The following DCLK1 variants were observed in gnomAD, a reference collection of about 807,000 sequenced individuals.
DCLK1 encodes serine/threonine-protein kinase DCLK1.
A neutral mutation model predicts 86.2 loss-of-function variants in DCLK1; 16 were observed. The observed-to-expected ratio is 0.19, with a 90% CI of 0.13 to 0.28. The LOEUF is 0.28. Among genes scored for constraint, DCLK1 ranks in the 10% least tolerant of loss-of-function variants. DCLK1 has a pLI of 1.00. For synonymous variants in DCLK1, 369 were observed against 370.5 expected (o/e 1.00, Z 0.05); for missense variants, 590 against 940.2 (o/e 0.63, Z 4.87).
chr13:35,845,800 A>T, intron 6 of DCLK1: 1 of 426,554 alleles, frequency 2.3e-6, no homozygotes, highest in Non-Finnish European at 3.1e-6. Context: ...GAAGAATGCC[A>T]TACACGTGAT....
chr13:36,092,738 G>A (rs1300306490), intron 3 of DCLK1, among the ~76,000 whole-genome samples: 1 of 151,326 alleles, frequency 6.6e-6, no homozygotes, highest in East Asian at 2.0e-4. Flanking sequence ...CGCCCGCCTC[G>A]GCCTCCCAAA....
chr13:36,105,753 AACC>A (rs1432262335), intron 3 of DCLK1, among the ~76,000 whole-genome samples: 2 of 152,174 alleles, frequency 1.3e-5, no homozygotes, highest in African/African-American at 4.8e-5. Context: ...TTGGATGAAA[AACC>A]ACAAGCTAGA....
At chr13:35,810,322 T>C (rs2087116775) in intron 12 of DCLK1, among the ~76,000 whole-genome samples, 1 of 152,180 alleles carries the variant, frequency 6.6e-6, no homozygotes, top group South Asian at 2.1e-4. Flanking sequence ...CCCACATTCA[T>C]CTGATTCTGC....
At chr13:36,006,926 G>C (rs1392827466) in intron 3 of DCLK1, among the ~76,000 whole-genome samples, 1 of 152,216 alleles carries the variant, frequency 6.6e-6, no homozygotes, top group Non-Finnish European at 1.5e-5. Flanking sequence ...TAAGTATTTG[G>C]AAATATGAAA....
In DCLK1 at chr13:35,814,178, C is replaced by T. The variant is rs542370485; in HGVS notation, c.1555-3210G>A. 1.3e-4 allele frequency among the ~76,000 whole-genome samples: 20 copies of T among 152,222 alleles called. No homozygotes were observed. In the South Asian group the frequency reaches 3.5e-3, roughly 27 times the overall value. On this transcript the variant is annotated intron_variant, in intron 11 of 16. Coordinates refer to ENST00000360631, the MANE Select transcript of DCLK1 (RefSeq NM_001330071.2). ...TCTTACTGAGCCAGTTACACAGGGG[C>T]ATGACTGAGGCCATGTGAAAATATA...
At chr13:35,874,828 T>C (rs1413536456) in intron 4 of DCLK1, among the ~76,000 whole-genome samples, 2 of 152,266 alleles carry the variant, frequency 1.3e-5, no homozygotes, top group Admixed American at 6.5e-5. Context: ...CTCATGGCTC[T>C]GACCATGCAA....
intron 2 of DCLK1, among the ~76,000 whole-genome samples, chr13:36,116,689 T>A (rs1885803565): frequency 6.6e-6 from 1 of 152,172 alleles, no homozygotes; most frequent in Admixed American, 6.5e-5. Flanking sequence ...GTCAAAAGCA[T>A]CCTTAAGTGA....
chr13:35,795,879 T>C (rs2086797589), intron 15 of DCLK1, among the ~76,000 whole-genome samples: 1 of 138,348 alleles, frequency 7.2e-6, no homozygotes, highest in Non-Finnish European at 1.5e-5. Context: ...GAGCTGAGAC[T>C]GCGCCATTGC....
chr13:35,974,989 GC>G (rs1369008934), intron 3 of DCLK1, among the ~76,000 whole-genome samples: 1 of 152,248 alleles, frequency 6.6e-6, no homozygotes, highest in African/African-American at 2.4e-5. Context: ...TCAGTCAACA[GC>G]CCTTTGAGGC....
At chr13:35,797,908 AG>A (rs766131185) in intron 15 of DCLK1, among the ~76,000 whole-genome samples, 2 of 152,204 alleles carry the variant, frequency 1.3e-5, no homozygotes, top group Non-Finnish European at 2.9e-5. Context: ...ACCATTATTC[AG>A]AATAGATTAT....
At chr13:35,931,283 T>C (rs970833719) in intron 4 of DCLK1, among the ~76,000 whole-genome samples, 3 of 152,170 alleles carry the variant, frequency 2.0e-5, no homozygotes, top group African/African-American at 7.2e-5. Context: ...AGAATTTGGA[T>C]GCTTAAAGTT....
chr13:36,062,755 G>A (rs890738128), intron 3 of DCLK1, among the ~76,000 whole-genome samples: 1 of 152,164 alleles, frequency 6.6e-6, no homozygotes, highest in East Asian at 1.9e-4. Flanking sequence ...CCACGGATAG[G>A]CGTCATTGTG....
At chr13:35,916,974 G>C (rs1875453716) in intron 4 of DCLK1, among the ~76,000 whole-genome samples, 1 of 152,090 alleles carries the variant, frequency 6.6e-6, no homozygotes, top group South Asian at 2.1e-4. Flanking sequence ...TCAACAGGTG[G>C]CCTTCTTCTA....
chr13:35,786,284 AT>A (rs1310918554), intron 16 of DCLK1, among the ~76,000 whole-genome samples: 1 of 152,174 alleles, frequency 6.6e-6, no homozygotes, highest in African/African-American at 2.4e-5. Context: ...TATATGTGTA[AT>A]TTTTATAACA....
At chr13:35,838,204 G>A (rs1394781819) in intron 7 of DCLK1, among the ~76,000 whole-genome samples, 2 of 152,034 alleles carry the variant, frequency 1.3e-5, no homozygotes, top group Admixed American at 1.3e-4. Context: ...TCATATTTCT[G>A]GAAATACAAA....
At chr13:36,007,383 T>G (rs1042067073) in intron 3 of DCLK1, among the ~76,000 whole-genome samples, 2 of 152,226 alleles carry the variant, frequency 1.3e-5, no homozygotes, top group Non-Finnish European at 2.9e-5. Context: ...AAGGCTGTAT[T>G]AACACAAATG....
intron 4 of DCLK1, among the ~76,000 whole-genome samples, chr13:35,900,221 G>A (rs921341663): frequency 6.0e-5 from 9 of 149,420 alleles, no homozygotes; most frequent in Non-Finnish European, 1.0e-4. Context: ...GCTTTAAGAG[G>A]TTTAGGTTCA....
At chr13:36,125,705 T>C in intron 2 of DCLK1, 57 bp downstream of exon 2, 1 of 1,559,670 alleles carries the variant, frequency 6.4e-7, no homozygotes, top group South Asian at 1.2e-5. Flanking sequence ...GCTACAACAC[T>C]GGAAATCTGA....
At chr13:36,080,176 A>C (rs576652542) in intron 3 of DCLK1, among the ~76,000 whole-genome samples, 1 of 152,348 alleles carries the variant, frequency 6.6e-6, no homozygotes, top group South Asian at 2.1e-4. Context: ...TATTTGAGGT[A>C]ACTGAGAGTT....
Sources: gnomAD v4.1 joint callset for allele counts (sites outside exome capture counted in the v4.1 genomes callset) on GRCh38, gnomAD v4.1.1 for gene constraint, MANE v1.5 for transcripts, NCBI Gene and HGNC (gene_info 2026-07-23, HGNC 2026-07-21) for gene names.